Variants in CTNNA2 observed in about 807,000 individuals in gnomAD.
CTNNA2 encodes catenin alpha 2.
Under a neutral mutation model 101.0 loss-of-function variants are expected in CTNNA2, and 42 were observed. The ratio of observed to expected loss-of-function variants is 0.42; its 90% CI spans 0.32 to 0.54. The LOEUF is 0.54. Ranked by LOEUF, CTNNA2 falls within the 20% of genes least tolerant of loss-of-function variation. CTNNA2 has a pLI of 0.14. For synonymous variants in CTNNA2, 450 were observed against 456.4 expected (o/e 0.99, Z 0.18); for missense variants, 871 against 1,223.1 (o/e 0.71, Z 4.29).
rs62139632 is a variant in CTNNA2, at chr2:79,996,689, T to C, written c.1056+86892T>C. ...TTTGGAAAAGCCTTGAGGAAAACTA[T>C]TGTGATCAACTTTCACTATTCTTTT... is the stretch of plus-strand genomic sequence containing the variant. On this transcript the variant is annotated intron_variant, in intron 7 of 18. Coordinates refer to ENST00000402739, the MANE Select transcript of CTNNA2 (RefSeq NM_001282597.3). Among the ~76,000 whole-genome samples, 227 of 152,296 alleles carry C rather than the reference T, an allele frequency of 1.5e-3. 2 individuals are homozygous for C. The highest frequency in any genetic ancestry group is 2.9e-3 in the Admixed American group (44 of 15,298).
chr2:79,244,293 G>A (rs748790822), intron 2 of CTNNA2, among the ~76,000 whole-genome samples: 1 of 152,192 alleles, frequency 6.6e-6, no homozygotes. Flanking sequence ...TCTCATTGCT[G>A]CTGTGTGGAC....
intron 3 of CTNNA2, among the ~76,000 whole-genome samples, chr2:79,831,108 G>T (rs1037858243): frequency 6.6e-6 from 1 of 150,808 alleles, no homozygotes; most frequent in Non-Finnish European, 1.5e-5. Flanking sequence ...TACAAACTTC[G>T]GCCAAATTAC....
chr2:80,093,098 G>A (rs1200520489), intron 7 of CTNNA2, among the ~76,000 whole-genome samples: 4 of 151,680 alleles, frequency 2.6e-5, no homozygotes, highest in African/African-American at 4.8e-5. Flanking sequence ...TTGGTGTGCC[G>A]CACCCATTAA....
intron 7 of CTNNA2, among the ~76,000 whole-genome samples, chr2:80,258,042 T>C (rs1025080357): frequency 6.6e-6 from 1 of 152,230 alleles, no homozygotes; most frequent in Non-Finnish European, 1.5e-5. Flanking sequence ...GTTGTATATT[T>C]ATTATGACAA....
chr2:80,496,655 G>A (rs1375760126), intron 9 of CTNNA2, among the ~76,000 whole-genome samples: 2 of 152,036 alleles, frequency 1.3e-5, no homozygotes, highest in African/African-American at 2.4e-5. Context: ...GTAAGCACCC[G>A]ATACTTAGTA....
chr2:80,376,981 G>C (rs965142808), intron 7 of CTNNA2, among the ~76,000 whole-genome samples: 1 of 152,198 alleles, frequency 6.6e-6, no homozygotes, highest in African/African-American at 2.4e-5. Flanking sequence ...CCCAGCATTT[G>C]CTCCCCATCT....
chr2:80,426,049 C>G (rs113392821), intron 9 of CTNNA2, among the ~76,000 whole-genome samples: 249 of 152,188 alleles, frequency 1.6e-3, no homozygotes, highest in African/African-American at 5.7e-3. Flanking sequence ...TGTAAAGTCA[C>G]TATAGGAAGT....
chr2:79,757,657 C>T (rs1214570399), intron 3 of CTNNA2, among the ~76,000 whole-genome samples: 1 of 152,184 alleles, frequency 6.6e-6, no homozygotes, highest in Non-Finnish European at 1.5e-5. Context: ...CCTATGCATC[C>T]TGTGCAAACC....
Position 80,302,109 on chromosome 2 carries a change from G to A in CTNNA2, c.1057-91102G>A, listed in dbSNP as rs1312577638. The stretch of plus-strand genomic sequence containing the variant: ...AGACACAATAAAGCTAAAATGTCAA[G>A]TCTCTGGGAGAGATCCCCTTAAAGT... On this transcript the variant is annotated intron_variant, in intron 7 of 18. Transcript: ENST00000402739. The surrounding 1 kb of genome is among the most constrained non-coding windows in gnomAD (Gnocchi z 6.4). The A allele has an allele frequency of 1.4e-5, 16 of 1,118,384 alleles. No individual in the cohort carries two copies. In the Admixed American group the frequency reaches 4.4e-4, roughly 31 times the overall value. 69.3% of individuals were successfully genotyped at this position (1,118,384 alleles called of 1,614,324 possible).
intron 7 of CTNNA2, among the ~76,000 whole-genome samples, chr2:80,183,376 GCACCCATATTTTTACCTCCAAT>G (rs1176612167): frequency 6.6e-6 from 1 of 152,154 alleles, no homozygotes; most frequent in Non-Finnish European, 1.5e-5. Flanking sequence ...AGCACAGCTA[GCACCCATATTTTTACCTCCAAT>G]CATAGTTGGT....
chr2:79,596,315 A>G (rs1677185994), intron 1 of CTNNA2, among the ~76,000 whole-genome samples: 1 of 152,108 alleles, frequency 6.6e-6, no homozygotes, highest in Non-Finnish European at 1.5e-5. Context: ...CTCAGAGTCA[A>G]GGTAGGGAAA....
intron 2 of CTNNA2, among the ~76,000 whole-genome samples, chr2:79,292,454 C>A (rs1018154581): frequency 6.6e-6 from 1 of 152,166 alleles, no homozygotes; most frequent in Non-Finnish European, 1.5e-5. Context: ...TTCAGAATGA[C>A]AAGGGTTGAA....
intron 7 of CTNNA2, among the ~76,000 whole-genome samples, chr2:80,011,827 T>C (rs763953137): frequency 2.0e-5 from 3 of 152,342 alleles, no homozygotes; most frequent in Non-Finnish European, 4.4e-5. Context: ...CATGTTTTTT[T>C]AGAAACACTC....
At chr2:79,545,687 C>T (rs1362123017) in intron 1 of CTNNA2, among the ~76,000 whole-genome samples, 1 of 152,104 alleles carries the variant, frequency 6.6e-6, no homozygotes. Context: ...CATACACCCA[C>T]TAGGTGTCAG....
Position 79,619,570 on chromosome 2 carries a change from C to G in CTNNA2, c.-5-31982C>G, listed in dbSNP as rs145879859. Among the ~76,000 whole-genome samples the G allele has an allele frequency of 7.6e-3, 1,160 of 152,274 alleles. 12 individuals are homozygous for G. The highest frequency in any genetic ancestry group is 0.027 in the African/African-American group (1,108 of 41,566). On this transcript the variant is annotated intron_variant, in intron 1 of 18. Transcript: ENST00000402739. ...AGTTGTTTTGACACAAGCTTTGAGT[C>G]TCAAGATTTTAAAACGCCTTTTTTG...
At chr2:79,591,240 C>T (rs920150357) in intron 1 of CTNNA2, among the ~76,000 whole-genome samples, 2 of 152,054 alleles carry the variant, frequency 1.3e-5, no homozygotes, top group South Asian at 2.1e-4. Context: ...TAACCATTCT[C>T]GTTTGGGTCA....
At chr2:79,788,766 T>A (rs1488401760) in intron 3 of CTNNA2, among the ~76,000 whole-genome samples, 1 of 152,318 alleles carries the variant, frequency 6.6e-6, no homozygotes, top group African/African-American at 2.4e-5. Context: ...GTATCAGTGC[T>A]CTTTTGAATA....
intron 13 of CTNNA2, among the ~76,000 whole-genome samples, chr2:80,578,703 G>C (rs17019392): frequency 6.6e-6 from 1 of 152,028 alleles, no homozygotes; most frequent in Admixed American, 6.5e-5. Flanking sequence ...CTCTGAAACC[G>C]TCAACTTGTT....
At chr2:80,128,723 T>C (rs1051931844) in intron 7 of CTNNA2, among the ~76,000 whole-genome samples, 2 of 152,156 alleles carry the variant, frequency 1.3e-5, no homozygotes, top group African/African-American at 4.8e-5. Flanking sequence ...AGTCCTGAGA[T>C]TGTGTCTTTT....
Sources: allele counts gnomAD v4.1 joint callset (sites outside exome capture counted in the v4.1 genomes callset), GRCh38; gene constraint gnomAD v4.1.1; non-coding constraint Gnocchi (gnomAD v3.1); transcripts MANE v1.5; gene names NCBI Gene and HGNC (gene_info 2026-07-23, HGNC 2026-07-21).